ZPBP: variants seen among roughly 807,000 people sequenced by gnomAD.
ZPBP encodes the protein zona pellucida-binding protein 1.
ZPBP carries 26 observed loss-of-function variants against 44.8 expected under a neutral mutation model. That is an observed-to-expected ratio of 0.58 (90% CI 0.43 to 0.81). The LOEUF (loss-of-function observed/expected upper bound fraction) is 0.81. Ranked by LOEUF, ZPBP falls within the 30% of genes least tolerant of loss-of-function variation. The pLI is 0.00. For missense variants in ZPBP, 409 were observed against 434.0 expected, an observed-to-expected ratio of 0.94 and a Z score of 0.51; for synonymous variants, 174 against 153.2, an observed-to-expected ratio of 1.14 and a Z score of -1.00.
At chr7:50,089,387 AC>A (rs1278270071) in intron 2 of ZPBP, among the ~76,000 whole-genome samples, 2 of 152,066 alleles carry the variant, frequency 1.3e-5, no homozygotes, top group African/African-American at 4.8e-5. Flanking sequence ...AAAAATCCAC[AC>A]AGGCAACTTT....
chr7:50,014,405 CG>C (rs1264826515), intron 6 of ZPBP, among the ~76,000 whole-genome samples: 2 of 149,462 alleles, frequency 1.3e-5, no homozygotes, highest in African/African-American at 5.0e-5. Flanking sequence ...AAGAGTGGAA[CG>C]AAAATGGTAC....
At chr7:49,932,758 C>G (rs181731687), downstream of ZPBP, among the ~76,000 whole-genome samples, 8 of 152,206 alleles carry the variant, frequency 5.3e-5, no homozygotes, top group East Asian at 1.5e-3. Flanking sequence ...CAAATCTCAC[C>G]TTGAATTGTA....
chr7:49,848,271 C>T (rs571727628), downstream of ZPBP, among the ~76,000 whole-genome samples: 21 of 152,294 alleles, frequency 1.4e-4, no homozygotes, highest in East Asian at 3.7e-3. Flanking sequence ...GAGAGTGTCA[C>T]CCTCCCACCT....
intron 3 of ZPBP, among the ~76,000 whole-genome samples, chr7:50,063,975 T>A (rs1801378953): frequency 1.3e-5 from 2 of 152,106 alleles, no homozygotes; most frequent in Non-Finnish European, 2.9e-5. Context: ...CCTATAATAT[T>A]TAATGATTTT....
intron 7 of ZPBP, chr7:49,940,782 CA>C: frequency 1.0e-6 from 1 of 985,234 alleles, no homozygotes; most frequent in African/African-American, 1.7e-5. Context: ...GAGAACAGAG[CA>C]GACTAAATTT....
At chr7:50,023,703 T>C (rs1368007573) in intron 5 of ZPBP, among the ~76,000 whole-genome samples, 3 of 152,046 alleles carry the variant, frequency 2.0e-5, no homozygotes, top group Non-Finnish European at 4.4e-5. Context: ...GGAATTATGG[T>C]ACAGAAATGT....
chr7:49,962,740 A>C (rs2128765400), intron 7 of ZPBP, among the ~76,000 whole-genome samples: 1 of 152,044 alleles, frequency 6.6e-6, no homozygotes, highest in East Asian at 1.9e-4. Flanking sequence ...CCTAAAAATC[A>C]AAAATAAACT....
chr7:49,900,266 A>G (rs193180098), intron 2 of ZPBP, among the ~76,000 whole-genome samples: 1 of 151,944 alleles, frequency 6.6e-6, no homozygotes, highest in African/African-American at 2.4e-5. Context: ...ACCTTTAGAA[A>G]CTAGAAAAAG....
chr7:49,861,824 T>C lies in ZPBP; in HGVS notation n.510-11310A>G, dbSNP rs560635572. Reference sequence around the variant, plus strand: ...GGATGCAGAAGTCTGGGTTTACTTTTGGACTCTGAATTTTATTCTATTGTT... The same window carrying C: ...GGATGCAGAAGTCTGGGTTTACTTTCGGACTCTGAATTTTATTCTATTGTT... On this transcript the variant is annotated intron_variant and non_coding_transcript_variant, in intron 2 of 2. Transcript: ENST00000465922. 5.3e-5 allele frequency among the ~76,000 whole-genome samples: 8 copies of C among 152,350 alleles called. No homozygotes were observed. In the South Asian group the frequency reaches 1.7e-3, roughly 32 times the overall value.
At chr7:50,070,736 G>A (rs1801794602) in intron 3 of ZPBP, among the ~76,000 whole-genome samples, 1 of 152,122 alleles carries the variant, frequency 6.6e-6, no homozygotes. Flanking sequence ...GTGGGGTGGG[G>A]GAGATCTGTG....
At chr7:49,938,772 T>C (rs939887821) in intron 7 of ZPBP, among the ~76,000 whole-genome samples, 4 of 152,198 alleles carry the variant, frequency 2.6e-5, no homozygotes, top group Admixed American at 2.0e-4. Context: ...ATAGCACATC[T>C]ATGGAATGTT....
At chr7:49,942,698 CTCT>C (rs746778924) in intron 7 of ZPBP, 3 of 152,796 alleles carry the variant, frequency 2.0e-5, no homozygotes, top group Non-Finnish European at 4.4e-5. Context: ...CCTAGTAAGA[CTCT>C]TCATCATCTC....
intron 2 of ZPBP, among the ~76,000 whole-genome samples, chr7:49,898,272 A>G (rs1211268361): frequency 6.6e-6 from 1 of 152,078 alleles, no homozygotes; most frequent in East Asian, 1.9e-4. Flanking sequence ...TGCTGTTATT[A>G]TGAACTGTTA....
At chr7:49,890,536 A>G (rs1330363225) in intron 2 of ZPBP, among the ~76,000 whole-genome samples, 1 of 152,172 alleles carries the variant, frequency 6.6e-6, no homozygotes, top group Non-Finnish European at 1.5e-5. Flanking sequence ...TCTGCAGGCT[A>G]ACTTCTCATT....
chr7:49,859,790 GCACACACA>G (rs57768700), intron 2 of ZPBP, among the ~76,000 whole-genome samples: 3 of 12,022 alleles, frequency 2.5e-4, no homozygotes, highest in Middle Eastern at 0.022. Context: ...GCGCGTGCGT[GCACACACA>G]CACACACACA....
At chr7:50,013,182 A>C (rs1417852531) in intron 6 of ZPBP, among the ~76,000 whole-genome samples, 1 of 151,934 alleles carries the variant, frequency 6.6e-6, no homozygotes, top group African/African-American at 2.4e-5. Context: ...GTTCCAACCC[A>C]AGCCCTATTA....
chr7:50,072,442 G>A (rs544559995), intron 3 of ZPBP, among the ~76,000 whole-genome samples: 6 of 152,344 alleles, frequency 3.9e-5, no homozygotes, highest in Non-Finnish European at 7.4e-5. Context: ...GCACTGAAGG[G>A]AAGGACAAAG....
At chr7:49,848,461 C>T (rs1790046567), downstream of ZPBP, among the ~76,000 whole-genome samples, 1 of 152,256 alleles carries the variant, frequency 6.6e-6, no homozygotes, top group Non-Finnish European at 1.5e-5. Flanking sequence ...CTGTTTCCAG[C>T]CCACCTGCCC....
downstream of ZPBP, among the ~76,000 whole-genome samples, chr7:49,849,177 T>A (rs539959213): frequency 7.7e-4 from 118 of 152,338 alleles, no homozygotes; most frequent in Admixed American, 2.7e-3. Flanking sequence ...CCCCACTGGA[T>A]CCCGTGAAGC....
Sources: allele counts gnomAD v4.1 joint callset (sites outside exome capture counted in the v4.1 genomes callset), GRCh38; gene constraint gnomAD v4.1.1; transcripts MANE v1.5; gene names NCBI Gene and HGNC (gene_info 2026-07-23, HGNC 2026-07-21).